The following SH3BGRL2 variants were observed in gnomAD, a reference collection of about 807,000 sequenced individuals.
The protein encoded by SH3BGRL2 is SH3 domain binding glutamate rich protein like 2, also known as SH3 domain-binding glutamic acid-rich-like protein 2.
SH3BGRL2 carries 21 observed loss-of-function variants against 14.8 expected under a neutral mutation model. That is an observed-to-expected ratio of 1.42 (90% CI 1.01 to 2.05). The LOEUF is 2.05. Ranked by LOEUF, SH3BGRL2 falls within the 30% of genes most tolerant of loss-of-function variation. SH3BGRL2 has a pLI of 0.00. For synonymous variants in SH3BGRL2, 50 were observed against 47.8 expected, an observed-to-expected ratio of 1.05 and a Z score of -0.19; for missense variants, 147 against 130.8, an observed-to-expected ratio of 1.12 and a Z score of -0.61.
chr6:79,542,553 G>A, the SH3BGRL2 span, among the ~76,000 whole-genome samples: 1 of 152,196 alleles, frequency 6.6e-6, no homozygotes, highest in Admixed American at 6.5e-5. Context: ...ACAGGCGTGA[G>A]CCACCACACC....
At chr6:79,650,936 AAAT>A (rs1346003081) in intron 1 of SH3BGRL2, among the ~76,000 whole-genome samples, 1 of 149,174 alleles carries the variant, frequency 6.7e-6, no homozygotes, top group Non-Finnish European at 1.5e-5. Context: ...ATAAATATAT[AAAT>A]AATTATGTAA....
the SH3BGRL2 span, among the ~76,000 whole-genome samples, chr6:79,581,591 G>A: frequency 2.2e-4 from 34 of 152,054 alleles, no homozygotes; most frequent in Admixed American, 1.4e-3. Context: ...ATTCAACAGC[G>A]CTTCATGCTG....
At chr6:79,564,900 C>T in the SH3BGRL2 span, among the ~76,000 whole-genome samples, 6 of 152,208 alleles carry the variant, frequency 3.9e-5, no homozygotes, top group African/African-American at 1.2e-4. Context: ...TCAGTATTTT[C>T]CCCTTTTTCT....
At chr6:79,552,462 T>C in the SH3BGRL2 span, among the ~76,000 whole-genome samples, 5 of 152,216 alleles carry the variant, frequency 3.3e-5, no homozygotes, top group African/African-American at 4.8e-5. Context: ...AACAAGATTC[T>C]GTTCTGTAAG....
Position 79,700,482 on chromosome 6 carries a change from T to G in SH3BGRL2, c.*973T>G, listed in dbSNP as rs970031887. On this transcript the variant is annotated 3_prime_UTR_variant, in exon 4 of 4. Transcript: ENST00000369838. ...TTTGTGAACCCTTGATTAGACATAT[T>G]AAAATATACCAATGTTGTAGTAAAA... The G allele has an allele frequency of 1.2e-4, 18 of 152,222 alleles. No homozygotes were observed. Among genetic ancestry groups the G allele is most frequent in the Admixed American group, 1.1e-3 (17 of 15,280 alleles). The allele number at this position is 152,222 out of a possible 1,614,324, so 9.4% of individuals were successfully genotyped here. A position where few individuals can be genotyped will look rare whatever the true frequency, so the allele number is the denominator to read the frequency against.
chr6:79,569,040 G>A, the SH3BGRL2 span, among the ~76,000 whole-genome samples: 4 of 152,158 alleles, frequency 2.6e-5, no homozygotes, highest in East Asian at 7.7e-4. Flanking sequence ...AGGTGGTCCA[G>A]CTACAGCTTG....
At chr6:79,679,507 T>C (rs1769949219) in intron 2 of SH3BGRL2, among the ~76,000 whole-genome samples, 1 of 152,172 alleles carries the variant, frequency 6.6e-6, no homozygotes, top group Non-Finnish European at 1.5e-5. Context: ...TATTAGACCT[T>C]TGTCAGACAC....
intron 1 of SH3BGRL2, among the ~76,000 whole-genome samples, chr6:79,648,594 C>A (rs993320703): frequency 4.0e-5 from 6 of 151,762 alleles, no homozygotes; most frequent in African/African-American, 1.5e-4. Context: ...CTTCTCCTGG[C>A]CTCAATGCAG....
the SH3BGRL2 span, among the ~76,000 whole-genome samples, chr6:79,568,931 G>A: frequency 1.3e-5 from 2 of 152,092 alleles, no homozygotes; most frequent in African/African-American, 4.8e-5. Flanking sequence ...TCAATGGAAA[G>A]AGTCAAACTG....
chr6:79,572,000 T>G, the SH3BGRL2 span, among the ~76,000 whole-genome samples: 3 of 152,168 alleles, frequency 2.0e-5, no homozygotes. Context: ...CCTCTTCTAA[T>G]TTTAATATCC....
the SH3BGRL2 span, among the ~76,000 whole-genome samples, chr6:79,545,192 C>G: frequency 4.6e-5 from 7 of 152,170 alleles, no homozygotes; most frequent in East Asian, 1.9e-4. Flanking sequence ...AGAGTTCCTC[C>G]CCTTCTCTGG....
chr6:79,695,414 G>T (rs1045744311), intron 2 of SH3BGRL2, among the ~76,000 whole-genome samples: 1 of 152,194 alleles, frequency 6.6e-6, no homozygotes, highest in African/African-American at 2.4e-5. Flanking sequence ...CAAGGCATGC[G>T]TTGCAGGAAG....
the SH3BGRL2 span, among the ~76,000 whole-genome samples, chr6:79,600,434 G>A: frequency 4.6e-5 from 7 of 152,276 alleles, no homozygotes; most frequent in East Asian, 1.4e-3. Flanking sequence ...CAAAATGGGG[G>A]CTTGGCAGTT....
At chr6:79,542,705 A>G in the SH3BGRL2 span, among the ~76,000 whole-genome samples, 1 of 152,190 alleles carries the variant, frequency 6.6e-6, no homozygotes, top group South Asian at 2.1e-4. Flanking sequence ...AGTTAGGGAG[A>G]AGTTCCTTCT....
chr6:79,595,154 C>A, the SH3BGRL2 span, among the ~76,000 whole-genome samples: 2 of 152,182 alleles, frequency 1.3e-5, no homozygotes, highest in African/African-American at 4.8e-5. Flanking sequence ...GGCATAGCGG[C>A]CCATGCCTGT....
At chr6:79,672,516 A>G (rs1769793799) in intron 1 of SH3BGRL2, among the ~76,000 whole-genome samples, 1 of 152,182 alleles carries the variant, frequency 6.6e-6, no homozygotes, top group African/African-American at 2.4e-5. Context: ...CAATGTTAAC[A>G]GTACATACAG....
chr6:79,613,788 A>G, the SH3BGRL2 span, among the ~76,000 whole-genome samples: 4 of 151,838 alleles, frequency 2.6e-5, no homozygotes, highest in Admixed American at 2.6e-4. Context: ...TGTATTTTTT[A>G]GCAGAGATGG....
At chr6:79,634,451 T>C (rs1309132477) in intron 1 of SH3BGRL2, among the ~76,000 whole-genome samples, 2 of 152,232 alleles carry the variant, frequency 1.3e-5, no homozygotes, top group Non-Finnish European at 2.9e-5. Flanking sequence ...GAAATGTCAT[T>C]TTAAAATTTA....
chr6:79,550,955 C>G, the SH3BGRL2 span, among the ~76,000 whole-genome samples: 1 of 152,152 alleles, frequency 6.6e-6, no homozygotes. Context: ...TCTCACAAAA[C>G]CAGCGAAGAT....
Sources: allele counts gnomAD v4.1 joint callset (sites outside exome capture counted in the v4.1 genomes callset), GRCh38; gene constraint gnomAD v4.1.1; transcripts MANE v1.5; gene names NCBI Gene and HGNC (gene_info 2026-07-23, HGNC 2026-07-21).